Variants in DIP2C observed in about 807,000 individuals in gnomAD.
The protein encoded by DIP2C is DIP2 acetate--CoA ligase C (putative).
In DIP2C, 33 loss-of-function variants were observed where a neutral mutation model predicts 192.4. That is an observed-to-expected ratio of 0.17 (90% CI 0.13 to 0.23). DIP2C has a LOEUF of 0.23. Ranked by LOEUF, DIP2C falls within the 10% of genes least tolerant of loss-of-function variation. The pLI is 1.00. For missense variants in DIP2C, 1,537 were observed against 2,110.1 expected (o/e 0.73, Z 5.32); for synonymous variants, 979 against 864.1 (o/e 1.13, Z -2.33).
chr10:358,875 A>G (rs2132698066), intron 22 of DIP2C, among the ~76,000 whole-genome samples: 1 of 150,576 alleles, frequency 6.6e-6, no homozygotes, highest in East Asian at 2.0e-4. Flanking sequence ...CAGGGAGAGT[A>G]AAAGAATGTT....
Position 348,812 on chromosome 10 carries a change from GCA to G in DIP2C, c.3110-52_3110-51del, listed in dbSNP as rs757237113. On this transcript the variant is annotated intron_variant, in intron 25 of 36. Coordinates refer to ENST00000280886, the MANE Select transcript of DIP2C (RefSeq NM_014974.3). ...ATTGAAGCAGACCACGCTGCTGAGT[GCA>G]CACTCTCCCTGTCAGCATCAATGCT... 5.0e-6 allele frequency: 8 copies of G among 1,603,222 alleles called. No individual in the cohort carries two copies. In the South Asian group the frequency reaches 6.7e-5, roughly 13 times the overall value.
At chr10:440,005 C>G (rs1015301469) in intron 4 of DIP2C, among the ~76,000 whole-genome samples, 3 of 152,284 alleles carry the variant, frequency 2.0e-5, no homozygotes, top group South Asian at 4.2e-4. Flanking sequence ...ATGTTGGAAT[C>G]AAAATCACAG....
chr10:423,187 A>C lies in DIP2C; in HGVS notation c.395-154T>G, dbSNP rs576638332. Among the ~76,000 whole-genome samples the C allele has an allele frequency of 2.0e-5, 3 of 152,384 alleles. No individual in the cohort carries two copies. The East Asian group carries it at 5.8e-4, about 29-fold the overall frequency. On this transcript the variant is annotated intron_variant, in intron 4 of 36. Coordinates refer to ENST00000280886, the MANE Select transcript of DIP2C (RefSeq NM_014974.3). The stretch of plus-strand genomic sequence containing the variant: ...CTTGAGAAGTTAAACCACGTTTCAG[A>C]TAATAAACCATTTATTTTAGCATAA...
intron 29 of DIP2C, among the ~76,000 whole-genome samples, chr10:336,823 T>C (rs1266366530): frequency 2.0e-5 from 3 of 152,042 alleles, no homozygotes; most frequent in East Asian, 1.9e-4. Flanking sequence ...TGTGGAGGCC[T>C]AGGCAGCTGT....
At chr10:572,224 T>C (rs1220488205) in intron 1 of DIP2C, among the ~76,000 whole-genome samples, 1 of 152,248 alleles carries the variant, frequency 6.6e-6, no homozygotes, top group Admixed American at 6.5e-5. Context: ...AGACAGCACC[T>C]GGCATGTGTG....
At chr10:541,192 C>T (rs374923752) in intron 1 of DIP2C, among the ~76,000 whole-genome samples, 5 of 152,118 alleles carry the variant, frequency 3.3e-5, no homozygotes, top group Admixed American at 1.3e-4. Context: ...CGTTCTACCA[C>T]GCAACATTCA....
rs1199037442 is a variant in DIP2C, at chr10:527,369, A to AAATGCCTT, written c.86-40847_86-40840dup. On this transcript the variant is annotated intron_variant, in intron 1 of 36. Transcript: ENST00000280886. The stretch of plus-strand genomic sequence containing the variant: ...TTGCTGATTAGCTAAAATCACCCAG[A>AAATGCCTT]AATGCCTTAACCTTGACTTCAGCCG... Among the ~76,000 whole-genome samples the AAATGCCTT allele has an allele frequency of 2.6e-5, 4 of 152,216 alleles. No individual in the cohort carries two copies. The East Asian group carries it at 7.7e-4, about 29-fold the overall frequency.
At chr10:425,480 A>G (rs1465468432) in intron 4 of DIP2C, among the ~76,000 whole-genome samples, 2 of 131,156 alleles carry the variant, frequency 1.5e-5, no homozygotes, top group Non-Finnish European at 3.4e-5. Flanking sequence ...CTAATGTGAA[A>G]TGGATACAGC....
chr10:416,301 C>G (rs1481441392), intron 6 of DIP2C, among the ~76,000 whole-genome samples: 1 of 152,032 alleles, frequency 6.6e-6, no homozygotes, highest in Non-Finnish European at 1.5e-5. Flanking sequence ...GTCTATCTCT[C>G]CAGAGACCAC....
intron 1 of DIP2C, among the ~76,000 whole-genome samples, chr10:661,428 G>A (rs191046153): frequency 5.3e-5 from 8 of 152,262 alleles, no homozygotes; most frequent in Admixed American, 2.0e-4. Flanking sequence ...ATCTCCACCT[G>A]CTCCCTGCGC....
intron 3 of DIP2C, among the ~76,000 whole-genome samples, chr10:456,575 G>A (rs1057307331): frequency 6.6e-6 from 1 of 152,222 alleles, no homozygotes; most frequent in Non-Finnish European, 1.5e-5. Flanking sequence ...CCTGGTTAGT[G>A]TGACCCAAGT....
At chr10:437,251 GGTCT>G (rs1401500577) in intron 4 of DIP2C, among the ~76,000 whole-genome samples, 17 of 143,582 alleles carry the variant, frequency 1.2e-4, no homozygotes, top group South Asian at 2.2e-4. Flanking sequence ...CCACACCTGA[GGTCT>G]CTCTGAGCTC....
At chr10:594,495 G>C (rs1038417208) in intron 1 of DIP2C, among the ~76,000 whole-genome samples, 3 of 152,072 alleles carry the variant, frequency 2.0e-5, no homozygotes, top group Admixed American at 2.0e-4. Context: ...ACATGGCCGA[G>C]TACAAACCAT....
Position 512,922 on chromosome 10 carries a change from GAAAAAAAAA to G in DIP2C, c.86-26401_86-26393del, listed in dbSNP as rs60269783. ...TGACAACAGCGAGACCCCACTTCAG[GAAAAAAAAA>G]AAAAAAAAAAAAAGGGAGCTAATGT... On this transcript the variant is annotated intron_variant, in intron 1 of 36. Coordinates refer to ENST00000280886, the MANE Select transcript of DIP2C (RefSeq NM_014974.3). 6.2e-4 allele frequency among the ~76,000 whole-genome samples: 57 copies of G among 92,186 alleles called. No homozygotes were observed. In the South Asian group the frequency reaches 0.018, roughly 29 times the overall value. The allele number at this position is 92,186 out of a possible 152,430, so 60.5% of individuals were successfully genotyped here. A position where few individuals can be genotyped will look rare whatever the true frequency, so the allele number is the denominator to read the frequency against.
At chr10:539,013 G>A (rs980267036) in intron 1 of DIP2C, among the ~76,000 whole-genome samples, 3 of 151,524 alleles carry the variant, frequency 2.0e-5, no homozygotes, top group East Asian at 1.9e-4. Context: ...GTCTGTTCAC[G>A]TCATTCCATG....
At chr10:416,945 G>A (rs10904173) in intron 6 of DIP2C, among the ~76,000 whole-genome samples, 51,397 of 152,032 alleles carry the variant, frequency 0.34, 10,123 homozygotes, top group Non-Finnish European at 0.45. Flanking sequence ...CAACATTTGC[G>A]GGGAATAGAA....
intron 1 of DIP2C, among the ~76,000 whole-genome samples, chr10:647,792 C>G (rs1249536902): frequency 6.7e-6 from 1 of 149,454 alleles, no homozygotes; most frequent in Non-Finnish European, 1.5e-5. Flanking sequence ...ACTGAGTCCA[C>G]GTCCACATTG....
intron 4 of DIP2C, among the ~76,000 whole-genome samples, chr10:423,994 T>C (rs1246640980): frequency 1.3e-5 from 2 of 152,226 alleles, no homozygotes; most frequent in Non-Finnish European, 2.9e-5. Flanking sequence ...ATTTTTTCAC[T>C]ATAATTTATG....
At chr10:304,563 A>G (rs1564529040) in intron 32 of DIP2C, among the ~76,000 whole-genome samples, 1 of 151,220 alleles carries the variant, frequency 6.6e-6, no homozygotes, top group African/African-American at 2.4e-5. Context: ...ATGCACACAC[A>G]CACACACACA....
Sources: allele counts gnomAD v4.1 joint callset (sites outside exome capture counted in the v4.1 genomes callset), GRCh38; gene constraint gnomAD v4.1.1; transcripts MANE v1.5; gene names NCBI Gene and HGNC (gene_info 2026-07-23, HGNC 2026-07-21).